Variants in IL2RA observed in about 807,000 individuals in gnomAD.
The protein encoded by IL2RA is interleukin-2 receptor subunit alpha.
IL2RA carries 24 observed loss-of-function variants against 37.8 expected under a neutral mutation model. The observed-to-expected ratio is 0.63, with a 90% CI of 0.46 to 0.89. The LOEUF is 0.89. IL2RA is among the 40% of genes least tolerant of loss of function. The pLI is 0.00. For missense variants in IL2RA, 319 were observed against 348.6 expected (o/e 0.92, Z 0.68); for synonymous variants, 125 against 114.6 (o/e 1.09, Z -0.58).
chr10:6,029,128 TTTTATTTATTTATTTATTTATTTATTTA>T lies in IL2RA; in HGVS notation c.65-3131_65-3104del, dbSNP rs199788056. On this transcript the variant is annotated intron_variant, in intron 1 of 7. Coordinates refer to ENST00000379959, the MANE Select transcript of IL2RA (RefSeq NM_000417.3). This position sits in a 1 kb window ranked among gnomAD's most constrained non-coding sequence, Gnocchi z 4.6. Reference sequence around the variant, plus strand: ...TGACCTGCAGATTTGCTGCCATTTATTTTATTTATTTATTTATTTATTTATTTATTTATTTATTTATTTATTTATTTTT... The same window carrying T: ...TGACCTGCAGATTTGCTGCCATTTATTTTATTTATTTATTTATTTATTTTT... Among the ~76,000 whole-genome samples the T allele has an allele frequency of 1.4e-5, 2 of 140,778 alleles. No individual in the cohort carries two copies. Among genetic ancestry groups the T allele is most frequent in the East Asian group, 2.1e-4 (1 of 4,812 alleles). The allele number at this position is 140,778 out of a possible 152,430, so 92.4% of individuals were successfully genotyped here. A position where few individuals can be genotyped will look rare whatever the true frequency, so the allele number is the denominator to read the frequency against.
At chr10:6,042,150 A>AAAAAAAAAAAAAAAAAAAAAAAAC (rs1839783019) in intron 1 of IL2RA, among the ~76,000 whole-genome samples, 1 of 144,530 alleles carries the variant, frequency 6.9e-6, no homozygotes, top group Non-Finnish European at 1.5e-5. Context: ...GTATTAAGCA[A>AAAAAAAAAAAAAAAAAAAAAAAAC]AAAAAAAAAA....
At position 6,054,144 on chromosome 10, in the gene IL2RA, C is replaced by T. The variant is rs1840006976; in HGVS notation, c.64+7944G>A. ...CCTGCCACCTGAACCCCTCCTTAAG[C>T]AGGATGCCTGGATCCGGGTCGAGGG... On this transcript the variant is annotated intron_variant, in intron 1 of 7. Coordinates refer to ENST00000379959, the MANE Select transcript of IL2RA (RefSeq NM_000417.3). This position sits in a 1 kb window ranked among gnomAD's most constrained non-coding sequence, Gnocchi z 4.5. Among the ~76,000 whole-genome samples the T allele has an allele frequency of 6.6e-6, 1 of 152,220 alleles. No homozygotes were observed. The highest frequency in any genetic ancestry group is 1.5e-5 in the Non-Finnish European group (1 of 68,036).
intron 1 of IL2RA, among the ~76,000 whole-genome samples, chr10:6,053,025 G>A (rs569367514): frequency 1.3e-5 from 2 of 152,324 alleles, no homozygotes; most frequent in African/African-American, 4.8e-5. Flanking sequence ...GGAGTGCCAC[G>A]CGGCTCTGTG....
At chr10:6,061,214 A>C (rs1222881915) in intron 1 of IL2RA, among the ~76,000 whole-genome samples, 2 of 152,088 alleles carry the variant, frequency 1.3e-5, no homozygotes, top group Admixed American at 1.3e-4. Flanking sequence ...CATGGCAAAA[A>C]CCCCATCTCT....
chr10:6,051,817 C>CTATATATA (rs61008683), intron 1 of IL2RA, among the ~76,000 whole-genome samples: 628 of 33,670 alleles, frequency 0.019, 77 homozygotes, highest in African/African-American at 0.046. Flanking sequence ...TCATGCCCAG[C>CTATATATA]TATATATATA....
In IL2RA at chr10:6,025,211, A is replaced by G. The variant is rs1208011732; in HGVS notation, c.256+623T>C. On this transcript the variant is annotated intron_variant, in intron 2 of 7. Transcript: ENST00000379959. This position sits in a 1 kb window ranked among gnomAD's most constrained non-coding sequence, Gnocchi z 4.4. ...TTTGCTAAAAATAAAAAAATTAGCC[A>G]GGCATGGTGGTGCACACCTGTAGTC... Among the ~76,000 whole-genome samples the G allele has an allele frequency of 2.6e-5, 4 of 152,032 alleles. No individual in the cohort carries two copies. Among genetic ancestry groups the G allele is most frequent in the African/African-American group, 7.3e-5 (3 of 41,362 alleles).
At chr10:6,032,481 A>G (rs1839612589) in intron 1 of IL2RA, among the ~76,000 whole-genome samples, 1 of 151,992 alleles carries the variant, frequency 6.6e-6, no homozygotes, top group Non-Finnish European at 1.5e-5. Flanking sequence ...TCACAAGGTC[A>G]GGAGATGGAG....
chr10:6,015,628 G>T lies in IL2RA; in HGVS notation c.794+2425C>A, dbSNP rs1403294886. Among the ~76,000 whole-genome samples, 1 of 152,180 alleles carries T rather than the reference G, an allele frequency of 6.6e-6. No homozygotes were observed. The highest frequency in any genetic ancestry group is 1.5e-5 in the Non-Finnish European group (1 of 68,036). On this transcript the variant is annotated intron_variant, in intron 7 of 7. Coordinates refer to ENST00000379959, the MANE Select transcript of IL2RA (RefSeq NM_000417.3). The surrounding 1 kb of genome is among the most constrained non-coding windows in gnomAD (Gnocchi z 4.9). ...CATAATAGTTATATATATTTATGAG[G>T]TATGTAGGGATGCTTTGATACCTAC...
In IL2RA at chr10:6,012,275, G is replaced by A. The variant is rs1374546219; in HGVS notation, c.*597C>T. On this transcript the variant is annotated 3_prime_UTR_variant, in exon 8 of 8. Coordinates refer to ENST00000379959, the MANE Select transcript of IL2RA (RefSeq NM_000417.3). The surrounding 1 kb of genome is among the most constrained non-coding windows in gnomAD (Gnocchi z 4.8). ...AAGACTGAAGGCTCAGTAGAAGGGG[G>A]TTAGCTTAGAGGATTGAGCCAAGGG... 1.3e-5 allele frequency: 2 copies of A among 153,840 alleles called. No individual in the cohort carries two copies. Among genetic ancestry groups the A allele is most frequent in the African/African-American group, 2.4e-5 (1 of 41,452 alleles). 9.5% of individuals were successfully genotyped at this position (153,840 alleles called of 1,614,324 possible). A position where few individuals can be genotyped will look rare whatever the true frequency, so the allele number is the denominator to read the frequency against.
Position 6,047,084 on chromosome 10 carries a change from C to T in IL2RA, c.64+15004G>A, listed in dbSNP as rs1374413195. ...AAGACCCTCTCCATGTCTCTGCATG[C>T]TTGCATGGAGAACATGCATTGTCCA... On this transcript the variant is annotated intron_variant, in intron 1 of 7. Transcript: ENST00000379959. The surrounding 1 kb of genome is among the most constrained non-coding windows in gnomAD (Gnocchi z 5.0). Among the ~76,000 whole-genome samples, 1 of 152,230 alleles carries T rather than the reference C, an allele frequency of 6.6e-6. No individual in the cohort carries two copies. The highest frequency in any genetic ancestry group is 1.9e-4 in the East Asian group (1 of 5,198).
chr10:6,025,897 T>C lies in IL2RA; in HGVS notation c.193A>G (p.Met65Val), dbSNP rs372359952. The C allele has an allele frequency of 6.2e-6, 10 of 1,614,216 alleles. No individual in the cohort carries two copies. Among genetic ancestry groups the C allele is most frequent in the East Asian group, 2.2e-5 (1 of 44,882 alleles). ...FRRIKSGSLY[M>V]LCTGNSSHSS... is the part of the protein sequence containing the mutation. The stretch of plus-strand genomic sequence containing the variant: ...TGGCTAGAGTTTCCTGTACAGAGCA[T>C]ATAGAGTGACCCGCTTTTTATTCTG... The change falls in exon 2 of 8, where the codon ATG (methionine) becomes GTG (valine). Residue 65 changes from methionine (M) to valine (V), a missense_variant. By Grantham distance (21) the Met-to-Val change is conservative. Transcript: ENST00000379959. This position sits in a 1 kb window ranked among gnomAD's most constrained non-coding sequence, Gnocchi z 4.4.
chr10:6,041,414 C>T (rs888553609), intron 1 of IL2RA, among the ~76,000 whole-genome samples: 1 of 151,930 alleles, frequency 6.6e-6, no homozygotes, highest in African/African-American at 2.4e-5. Context: ...TGCGCCCGGC[C>T]AATGGTGACT....
Position 6,044,221 on chromosome 10 carries a change from G to A in IL2RA, c.64+17867C>T, listed in dbSNP as rs749226734. Among the ~76,000 whole-genome samples, 6 of 152,248 alleles carry A rather than the reference G, an allele frequency of 3.9e-5. No homozygotes were observed. The highest frequency in any genetic ancestry group is 1.5e-5 in the Non-Finnish European group (1 of 68,050). On this transcript the variant is annotated intron_variant, in intron 1 of 7. Coordinates refer to ENST00000379959, the MANE Select transcript of IL2RA (RefSeq NM_000417.3). The surrounding 1 kb of genome is among the most constrained non-coding windows in gnomAD (Gnocchi z 4.5). ...CCGAGGTGGGGCTTAGCCCGCAAGG[G>A]TTCTTGGCTTTGCCCAGGAAGGAAT...
chr10:6,059,563 C>T (rs1366322208), intron 1 of IL2RA, among the ~76,000 whole-genome samples: 1 of 152,128 alleles, frequency 6.6e-6, no homozygotes, highest in Non-Finnish European at 1.5e-5. Context: ...ATCCCAGGGC[C>T]CAGCAATATA....
At chr10:6,050,109 G>A (rs751598969) in intron 1 of IL2RA, among the ~76,000 whole-genome samples, 6 of 152,200 alleles carry the variant, frequency 3.9e-5, no homozygotes, top group East Asian at 3.8e-4. Context: ...TCTTGCAGCC[G>A]AAAGGGCATC....
rs1049348693 is a variant in IL2RA at position 6,056,280 on chromosome 10, A to C, written c.64+5808T>G. 6.6e-6 allele frequency among the ~76,000 whole-genome samples: 1 copy of C among 152,202 alleles called. No individual in the cohort carries two copies. The highest frequency in any genetic ancestry group is 1.5e-5 in the Non-Finnish European group (1 of 68,034). On this transcript the variant is annotated intron_variant, in intron 1 of 7. Coordinates refer to ENST00000379959, the MANE Select transcript of IL2RA (RefSeq NM_000417.3). This position sits in a 1 kb window ranked among gnomAD's most constrained non-coding sequence, Gnocchi z 5.0. ...GAGCTGGAACTTTCTTCATCTCTGT[A>C]ATCCTCATGCATGAATGGATGGATG...
At chr10:6,023,997 G>A (rs1384444575) in intron 3 of IL2RA, among the ~76,000 whole-genome samples, 4 of 152,220 alleles carry the variant, frequency 2.6e-5, no homozygotes, top group African/African-American at 9.7e-5. Context: ...TATTTGGCCA[G>A]TTACCAAACC....
chr10:6,028,856 G>C lies in IL2RA; in HGVS notation c.65-2831C>G, dbSNP rs1200189708. On this transcript the variant is annotated intron_variant, in intron 1 of 7. Transcript: ENST00000379959. This position sits in a 1 kb window ranked among gnomAD's most constrained non-coding sequence, Gnocchi z 4.1. The stretch of plus-strand genomic sequence containing the variant: ...ATACTAAAAATACAAAAGATCAGCC[G>C]AGTGTGGCAGCGCATGTCTGTAGTC... 6.6e-6 allele frequency among the ~76,000 whole-genome samples: 1 copy of C among 151,976 alleles called. No individual in the cohort carries two copies. Among genetic ancestry groups the C allele is most frequent in the African/African-American group, 2.4e-5 (1 of 41,374 alleles).
rs74162093 is a variant in IL2RA at position 6,025,910 on chromosome 10, G to A, written c.180C>T (p.Ser60=). 71 of 1,614,022 alleles carry A rather than the reference G, an allele frequency of 4.4e-5. No individual in the cohort carries two copies. The highest frequency in any genetic ancestry group is 1.3e-4 in the African/African-American group (10 of 74,912). Reference sequence around the variant, plus strand: ...CTGTACAGAGCATATAGAGTGACCCGCTTTTTATTCTGCGGAAACCTCTCT... The same window carrying A: ...CTGTACAGAGCATATAGAGTGACCCACTTTTTATTCTGCGGAAACCTCTCT... ...ECKRGFRRIK[S]GSLYMLCTGN... is the part of the protein sequence containing the mutation. Residue 60 remains serine, a synonymous_variant, in exon 2 of 8, where the codon AGC becomes AGT. Coordinates refer to ENST00000379959, the MANE Select transcript of IL2RA (RefSeq NM_000417.3). The surrounding 1 kb of genome is among the most constrained non-coding windows in gnomAD (Gnocchi z 4.4).
Sources: gnomAD v4.1 joint callset for allele counts (sites outside exome capture counted in the v4.1 genomes callset) on GRCh38, gnomAD v4.1.1 for gene constraint, Gnocchi (gnomAD v3.1) non-coding constraint, MANE v1.5 for transcripts, NCBI Gene and HGNC (gene_info 2026-07-23, HGNC 2026-07-21) for gene names.